The following MYO16 variants were observed in gnomAD, a reference collection of about 807,000 sequenced individuals.
MYO16 encodes unconventional myosin-XVI.
A neutral mutation model predicts 205.3 loss-of-function variants in MYO16; 94 were observed. That is an observed-to-expected ratio of 0.46 (90% CI 0.39 to 0.54). The LOEUF (loss-of-function observed/expected upper bound fraction) is 0.54. Among genes scored for constraint, MYO16 ranks in the 20% least tolerant of loss-of-function variants. The pLI, the probability that MYO16 is intolerant of heterozygous loss-of-function variation, is 0.00. For missense variants in MYO16, 2,315 were observed against 2,387.5 expected, an observed-to-expected ratio of 0.97 and a Z score of 0.63; for synonymous variants, 988 against 954.0, an observed-to-expected ratio of 1.04 and a Z score of -0.66.
intron 1 of MYO16, among the ~76,000 whole-genome samples, chr13:108,636,419 C>T (rs1214627985): frequency 4.1e-5 from 5 of 120,764 alleles, no homozygotes; most frequent in African/African-American, 6.3e-5. Context: ...CTTGCTCTGT[C>T]GCCAGGCTGG....
the MYO16 span, among the ~76,000 whole-genome samples, chr13:108,568,074 T>C: frequency 6.6e-6 from 1 of 152,226 alleles, no homozygotes; most frequent in Non-Finnish European, 1.5e-5. Context: ...AGTATTCCAT[T>C]GTAGAGATAA....
intron 3 of MYO16, among the ~76,000 whole-genome samples, chr13:108,718,587 A>G (rs1884039282): frequency 6.6e-6 from 1 of 151,914 alleles, no homozygotes; most frequent in Non-Finnish European, 1.5e-5. Context: ...CAGCCAGGCA[A>G]GTTGGGTGAT....
rs761423312 is a variant in MYO16 at position 109,120,411 on chromosome 13, C to G, written c.3480C>G (p.Asp1160Glu). ...RKVFLKYWHADQLNDLCLQLQ... is the reference protein window; with the variant it reads ...RKVFLKYWHAEQLNDLCLQLQ... Reference sequence around the variant, plus strand: ...TGTTTCTAAAATACTGGCATGCTGACCAACTCAATGATTTGTGCCTACAGT... The same window carrying G: ...TGTTTCTAAAATACTGGCATGCTGAGCAACTCAATGATTTGTGCCTACAGT... The change falls in exon 29 of 35, where the codon GAC (aspartate) becomes GAG (glutamate). Residue 1160 changes from aspartate (D) to glutamate (E), a missense_variant. Asp to Glu is a conservative substitution (Grantham distance 45). Transcript: ENST00000457511. 1 of 1,608,328 alleles carries G rather than the reference C, an allele frequency of 6.2e-7. No individual in the cohort carries two copies.
At chr13:109,010,179 A>G (rs1409896203) in intron 22 of MYO16, among the ~76,000 whole-genome samples, 2 of 152,234 alleles carry the variant, frequency 1.3e-5, no homozygotes, top group Admixed American at 6.5e-5. Context: ...AGGTGAAACT[A>G]TGACAACCTT....
Position 108,888,302 on chromosome 13 carries a change from A to G in MYO16, c.1554-70A>G, listed in dbSNP as rs543472753. ...TACTTGTTCCTTCAAAGTAGTTTCA[A>G]AGGAACAAAGGAACAAGCTTTGAAG... is the stretch of plus-strand genomic sequence containing the variant. On this transcript the variant is annotated intron_variant, in intron 13 of 34. Coordinates refer to ENST00000457511, the MANE Select transcript of MYO16 (RefSeq NM_001198950.3). The G allele has an allele frequency of 4.6e-6, 5 of 1,086,062 alleles. No individual in the cohort carries two copies. The African/African-American group carries it at 6.5e-5, about 14-fold the overall frequency. 67.3% of individuals were successfully genotyped at this position (1,086,062 alleles called of 1,614,324 possible).
At chr13:109,063,609 A>G (rs1887655159) in intron 27 of MYO16, among the ~76,000 whole-genome samples, 1 of 152,180 alleles carries the variant, frequency 6.6e-6, no homozygotes, top group South Asian at 2.1e-4. Context: ...CTCAGCCTCC[A>G]GAACTGTGAG....
chr13:108,586,736 G>T, the MYO16 span, among the ~76,000 whole-genome samples: 1 of 152,168 alleles, frequency 6.6e-6, no homozygotes, highest in Admixed American at 6.5e-5. Context: ...TATAACAAGT[G>T]GTGGGATTCT....
intron 23 of MYO16, among the ~76,000 whole-genome samples, chr13:109,043,668 G>A (rs1886952379): frequency 6.6e-6 from 1 of 152,146 alleles, no homozygotes; most frequent in African/African-American, 2.4e-5. Context: ...TGTGAAGGTA[G>A]TAAATATAAA....
chr13:108,987,982 G>A (rs1310405102), intron 20 of MYO16, among the ~76,000 whole-genome samples: 1 of 152,196 alleles, frequency 6.6e-6, no homozygotes, highest in African/African-American at 2.4e-5. Context: ...TGTAAAGGGT[G>A]TTGCATTTTA....
At chr13:108,590,301 G>A in the MYO16 span, among the ~76,000 whole-genome samples, 4 of 152,142 alleles carry the variant, frequency 2.6e-5, no homozygotes, top group African/African-American at 9.7e-5. Context: ...ATAATTGTTT[G>A]GGAAGTTTTA....
intron 23 of MYO16, among the ~76,000 whole-genome samples, chr13:109,036,923 G>A (rs1886735883): frequency 6.6e-6 from 1 of 152,084 alleles, no homozygotes; most frequent in Non-Finnish European, 1.5e-5. Flanking sequence ...AAAAAGATGA[G>A]CAAGGCCCTG....
upstream of MYO16, among the ~76,000 whole-genome samples, chr13:108,591,379 G>A (rs973701980): frequency 4.6e-5 from 7 of 152,054 alleles, no homozygotes; most frequent in Non-Finnish European, 1.0e-4. Flanking sequence ...AGCATTCAGT[G>A]CTTCTTTGAA....
intron 1 of MYO16, among the ~76,000 whole-genome samples, chr13:108,605,914 A>G (rs886286506): frequency 3.3e-5 from 5 of 152,196 alleles, no homozygotes; most frequent in African/African-American, 1.2e-4. Context: ...CCTAGAGACT[A>G]GCTGAATTGT....
intron 1 of MYO16, among the ~76,000 whole-genome samples, chr13:108,649,091 G>T: frequency 7.0e-6 from 1 of 143,228 alleles, no homozygotes; most frequent in Non-Finnish European, 1.5e-5. Flanking sequence ...GGGGGAGGGG[G>T]GAGGGATAGC....
chr13:108,736,775 G>A (rs1377420824), intron 4 of MYO16, among the ~76,000 whole-genome samples: 1 of 152,192 alleles, frequency 6.6e-6, no homozygotes, highest in Admixed American at 6.5e-5. Flanking sequence ...CTATCCATGA[G>A]CATGGAATGT....
chr13:108,500,224 TTTTTTTTGTTTTTTTTG>T, the MYO16 span, among the ~76,000 whole-genome samples: 2,484 of 7,746 alleles, frequency 0.32, 794 homozygotes, highest in East Asian at 0.61. Flanking sequence ...TTTTTTTGTT[TTTTTTTTGTTTTTTTTG>T]TTTTTTTTTT....
rs543834206 is a variant in MYO16 at position 109,020,948 on chromosome 13, A to G, written c.2796+1037A>G. Among the ~76,000 whole-genome samples the G allele has an allele frequency of 2.6e-5, 4 of 152,342 alleles. No homozygotes were observed. The East Asian group carries it at 7.7e-4, about 29-fold the overall frequency. The stretch of plus-strand genomic sequence containing the variant: ...GGGAAAGGCAAATGAACAAATATTA[A>G]TATGAATAATGTATTACATTGATAT... On this transcript the variant is annotated intron_variant, in intron 23 of 34. Transcript: ENST00000457511.
chr13:109,087,694 A>G (rs150596252), intron 27 of MYO16, among the ~76,000 whole-genome samples: 156 of 152,308 alleles, frequency 1.0e-3, no homozygotes, highest in African/African-American at 3.8e-3. Flanking sequence ...ATTTTCAAGA[A>G]CAGCCTTCTC....
chr13:108,966,028 G>T (rs898786154), intron 20 of MYO16, among the ~76,000 whole-genome samples: 2 of 152,124 alleles, frequency 1.3e-5, no homozygotes, highest in African/African-American at 4.8e-5. Context: ...AGACATCTCA[G>T]AAGATTTCAA....
Sources: allele counts gnomAD v4.1 joint callset (sites outside exome capture counted in the v4.1 genomes callset), GRCh38; gene constraint gnomAD v4.1.1; transcripts MANE v1.5; gene names NCBI Gene and HGNC (gene_info 2026-07-23, HGNC 2026-07-21).